Variants in TIGAR observed in about 807,000 individuals in gnomAD.
The protein encoded by TIGAR is TP53 induced glycolysis regulatory phosphatase, also known as fructose-2,6-bisphosphatase TIGAR.
A neutral mutation model predicts 17.9 loss-of-function variants in TIGAR; 7 were observed. That is an observed-to-expected ratio of 0.39 (90% CI 0.22 to 0.73). TIGAR has a LOEUF of 0.73. TIGAR is among the 30% of genes least tolerant of loss of function. The pLI is 0.42. For synonymous variants in TIGAR, 94 were observed against 108.6 expected (o/e 0.87, Z 0.84); for missense variants, 258 against 327.4 (o/e 0.79, Z 1.64).
chr12:4,336,891 A>C lies in TIGAR; in HGVS notation c.71-148A>C, dbSNP rs569054643. On this transcript the variant is annotated intron_variant, in intron 2 of 5. Transcript: ENST00000179259. ...ACTTAAAACTTATTTTTACTTGCTA[A>C]TAACTCCCTGAAAAGTTACGTGGAA... 150 of 902,246 alleles carry C rather than the reference A, an allele frequency of 1.7e-4. 4 individuals carry two copies. The South Asian group carries it at 4.3e-3, about 26-fold the overall frequency. The allele number at this position is 902,246 out of a possible 1,614,324, so 55.9% of individuals were successfully genotyped here. A position where few individuals can be genotyped will look rare whatever the true frequency, so the allele number is the denominator to read the frequency against.
At chr12:4,333,102 G>GA (rs1397003551) in intron 2 of TIGAR, among the ~76,000 whole-genome samples, 1 of 152,120 alleles carries the variant, frequency 6.6e-6, no homozygotes, top group Non-Finnish European at 1.5e-5. Context: ...AATCCTTAGT[G>GA]AGACTTTTGT....
intron 1 of TIGAR, among the ~76,000 whole-genome samples, chr12:4,328,513 TAAC>T (rs1284952218): frequency 6.6e-6 from 1 of 151,756 alleles, no homozygotes; most frequent in African/African-American, 2.4e-5. Flanking sequence ...TTATTAATAT[TAAC>T]AACAATGATA....
At chr12:4,342,965 CATCAGTGTGCTGT>C (rs1267910140) in intron 3 of TIGAR, among the ~76,000 whole-genome samples, 2 of 152,118 alleles carry the variant, frequency 1.3e-5, no homozygotes, top group Non-Finnish European at 2.9e-5. Context: ...AGTCAAGACC[CATCAGTGTGCTGT>C]ATTCAGGAAA....
intron 4 of TIGAR, 99 bp downstream of exon 4, chr12:4,349,995 T>C: frequency 1.3e-6 from 1 of 788,468 alleles, no homozygotes; most frequent in South Asian, 2.0e-5. Context: ...CTGCTAGGGA[T>C]TTCGAATCAG....
At chr12:4,334,068 A>G (rs1864633201) in intron 2 of TIGAR, among the ~76,000 whole-genome samples, 1 of 150,066 alleles carries the variant, frequency 6.7e-6, no homozygotes, top group East Asian at 2.0e-4. Flanking sequence ...CCTGTTCCAC[A>G]CTTTCTTACT....
chr12:4,330,306 T>A (rs1864590628), intron 1 of TIGAR, among the ~76,000 whole-genome samples: 1 of 152,204 alleles, frequency 6.6e-6, no homozygotes, highest in South Asian at 2.1e-4. Context: ...ATTGTTCAGG[T>A]ACCAGATTGG....
At position 4,358,287 on chromosome 12, in the gene TIGAR, C is replaced by CAAAAA. The variant is rs1203284222; in HGVS notation, c.*5607_*5611dup. On this transcript the variant is annotated 3_prime_UTR_variant, in exon 6 of 6. Coordinates refer to ENST00000179259, the MANE Select transcript of TIGAR (RefSeq NM_020375.3). ...AATACAAAAATTAGCTGGGCGTCTCCAAAAAAAAAAAAAAAGAAAAAGAAA... is the reference window on the plus strand; with the variant it reads ...AATACAAAAATTAGCTGGGCGTCTCCAAAAAAAAAAAAAAAAAAAAGAAAAAGAAA... Among the ~76,000 whole-genome samples the CAAAAA allele has an allele frequency of 9.1e-6, 1 of 109,666 alleles. No individual in the cohort carries two copies. Among genetic ancestry groups the CAAAAA allele is most frequent in the Admixed American group, 9.1e-5 (1 of 10,972 alleles). The allele number at this position is 109,666 out of a possible 152,430, so 71.9% of individuals were successfully genotyped here. A position where few individuals can be genotyped will look rare whatever the true frequency, so the allele number is the denominator to read the frequency against.
chr12:4,335,477 G>A (rs1305697677), intron 2 of TIGAR: 2 of 152,106 alleles, frequency 1.3e-5, no homozygotes, highest in Non-Finnish European at 2.9e-5. Flanking sequence ...TGGTTATTAG[G>A]TCACAAGGGT....
At position 4,324,419 on chromosome 12, in the gene TIGAR, G is replaced by A; in HGVS notation, c.32+3116G>A. ...GAGGAGTGGGTGGCCCCGATGCCGG[G>A]CCGGCAGTGCTTCACCAGCTTATAG... On this transcript the variant is annotated intron_variant, in intron 1 of 5. Transcript: ENST00000179259. 5 of 1,443,502 alleles carry A rather than the reference G, an allele frequency of 3.5e-6. No homozygotes were observed. The Admixed American group carries it at 8.4e-5, about 24-fold the overall frequency. 89.4% of individuals were successfully genotyped at this position (1,443,502 alleles called of 1,614,324 possible). A position where few individuals can be genotyped will look rare whatever the true frequency, so the allele number is the denominator to read the frequency against.
At position 4,323,351 on chromosome 12, in the gene TIGAR, A is replaced by C. The variant is rs575081208; in HGVS notation, c.32+2048A>C. On this transcript the variant is annotated intron_variant, in intron 1 of 5. Transcript: ENST00000179259. ...ACCCCTAAAAAGTAAGATGATTCCTATTTAGATTCCTAATAGACAATAGTC... is the reference window on the plus strand; with the variant it reads ...ACCCCTAAAAAGTAAGATGATTCCTCTTTAGATTCCTAATAGACAATAGTC... 9.2e-5 allele frequency among the ~76,000 whole-genome samples: 14 copies of C among 152,360 alleles called. No homozygotes were observed. In the South Asian group the frequency reaches 2.5e-3, roughly 27 times the overall value.
intron 3 of TIGAR, among the ~76,000 whole-genome samples, chr12:4,343,775 C>G (rs1191231131): frequency 6.6e-6 from 1 of 152,166 alleles, no homozygotes; most frequent in Non-Finnish European, 1.5e-5. Flanking sequence ...CAGGAGAAAG[C>G]AGGAAAGATC....
At position 4,321,296 on chromosome 12, in the gene TIGAR, G is replaced by A. The variant is rs1198007318; in HGVS notation, c.25G>A (p.Val9Ile). 6 of 1,601,302 alleles carry A rather than the reference G, an allele frequency of 3.7e-6. No homozygotes were observed. In the East Asian group the frequency reaches 1.3e-4, roughly 36 times the overall value. ...CATGGCTCGCTTCGCTCTGACTGTT[G>A]TCCGGCAGTGAGTATGGCTGTGGCA... MARFALTVVRHGETRFNKE... is the reference protein window; with the variant it reads MARFALTVIRHGETRFNKE... The change falls in exon 1 of 6, where the codon GTC (valine) becomes ATC (isoleucine). Residue 9 changes from valine (V) to isoleucine (I), a missense_variant. Coordinates refer to ENST00000179259, the MANE Select transcript of TIGAR (RefSeq NM_020375.3). This position sits in a 1 kb window ranked among gnomAD's most constrained non-coding sequence, Gnocchi z 5.2.
intron 3 of TIGAR, among the ~76,000 whole-genome samples, chr12:4,344,962 T>C (rs781285642): frequency 7.9e-5 from 12 of 152,156 alleles, no homozygotes; most frequent in Non-Finnish European, 1.6e-4. Flanking sequence ...AGCCTTATTA[T>C]ACACCAATAA....
In TIGAR at chr12:4,355,342, T is replaced by G. The variant is rs1864888098; in HGVS notation, c.*2651T>G. Among the ~76,000 whole-genome samples, 1 of 152,168 alleles carries G rather than the reference T, an allele frequency of 6.6e-6. No homozygotes were observed. Among genetic ancestry groups the G allele is most frequent in the Admixed American group, 6.5e-5 (1 of 15,278 alleles). ...GCTCTCAGGCCTCACACCCCCTCATTTGCTAGAGTCTGTGGACTCTTTTAG... is the reference window on the plus strand; with the variant it reads ...GCTCTCAGGCCTCACACCCCCTCATGTGCTAGAGTCTGTGGACTCTTTTAG... On this transcript the variant is annotated 3_prime_UTR_variant, in exon 6 of 6. Coordinates refer to ENST00000179259, the MANE Select transcript of TIGAR (RefSeq NM_020375.3).
chr12:4,346,256 G>A (rs1864778734), intron 3 of TIGAR, among the ~76,000 whole-genome samples: 1 of 152,262 alleles, frequency 6.6e-6, no homozygotes, highest in East Asian at 1.9e-4. Flanking sequence ...CCATTTCTGG[G>A]TATATACCCA....
At chr12:4,344,588 C>T (rs951261827) in intron 3 of TIGAR, among the ~76,000 whole-genome samples, 26 of 152,144 alleles carry the variant, frequency 1.7e-4, no homozygotes, top group Admixed American at 1.5e-3. Flanking sequence ...GATCAATAAA[C>T]GTAATCCAGC....
rs560472188 is a variant in TIGAR at position 4,355,970 on chromosome 12, G to T, written c.*3279G>T. On this transcript the variant is annotated 3_prime_UTR_variant, in exon 6 of 6. Coordinates refer to ENST00000179259, the MANE Select transcript of TIGAR (RefSeq NM_020375.3). ...AGCAAGGGGGATGGGAGAGTGACGG[G>T]AGAAGAGGACAGGCCACATGGCCTG... 1.3e-5 allele frequency among the ~76,000 whole-genome samples: 2 copies of T among 152,364 alleles called. No homozygotes were observed. Among genetic ancestry groups the T allele is most frequent in the South Asian group, 4.1e-4 (2 of 4,832 alleles).
intron 1 of TIGAR, 88 bp from the exon 2 acceptor site, chr12:4,331,192 T>C: frequency 8.9e-7 from 1 of 1,120,464 alleles, no homozygotes; most frequent in South Asian, 1.2e-5. Flanking sequence ...ATTTTTAGAG[T>C]ATCACCACAC....
chr12:4,329,497 C>T (rs1864582576), intron 1 of TIGAR, among the ~76,000 whole-genome samples: 1 of 151,890 alleles, frequency 6.6e-6, no homozygotes, highest in African/African-American at 2.4e-5. Context: ...CGCCACCACG[C>T]ATGGCTAAAT....
Sources: allele counts gnomAD v4.1 joint callset (sites outside exome capture counted in the v4.1 genomes callset), GRCh38; gene constraint gnomAD v4.1.1; non-coding constraint Gnocchi (gnomAD v3.1); transcripts MANE v1.5; gene names NCBI Gene and HGNC (gene_info 2026-07-23, HGNC 2026-07-21).